Variants in MACROD2 observed in about 807,000 individuals in gnomAD.
MACROD2 encodes mono-ADP ribosylhydrolase 2, also known as ADP-ribose glycohydrolase MACROD2.
A neutral mutation model predicts 70.4 loss-of-function variants in MACROD2; 36 were observed. The observed-to-expected ratio is 0.51, with a 90% confidence interval of 0.39 to 0.68. MACROD2 has a LOEUF of 0.68. MACROD2 is among the 30% of genes least tolerant of loss of function. The pLI, the probability that MACROD2 is intolerant of heterozygous loss-of-function variation, is 0.00. For missense variants in MACROD2, 496 were observed against 538.4 expected, an observed-to-expected ratio of 0.92 and a Z score of 0.78; for synonymous variants, 172 against 178.8, an observed-to-expected ratio of 0.96 and a Z score of 0.30.
chr20:15,850,205 A>G (rs1192795765), intron 8 of MACROD2, among the ~76,000 whole-genome samples: 1 of 152,146 alleles, frequency 6.6e-6, no homozygotes, highest in Non-Finnish European at 1.5e-5. Context: ...AGAGCATGCC[A>G]CCAAGAGCAT....
At position 15,976,350 on chromosome 20, in the gene MACROD2, A is replaced by G. The variant is rs186526476; in HGVS notation, c.985+8720A>G. 2.4e-4 allele frequency among the ~76,000 whole-genome samples: 37 copies of G among 152,372 alleles called. No homozygotes were observed. The East Asian group carries it at 5.6e-3, about 23-fold the overall frequency. ...TTATCTGTTCTAATGGTCCCCTCCC[A>G]TAAGTATGGCTGATTGAGTTCACTG... is the stretch of plus-strand genomic sequence containing the variant. On this transcript the variant is annotated intron_variant, in intron 13 of 17. Transcript: ENST00000684519.
chr20:14,947,174 C>A (rs1333777062), intron 5 of MACROD2, among the ~76,000 whole-genome samples: 1 of 152,182 alleles, frequency 6.6e-6, no homozygotes, highest in Non-Finnish European at 1.5e-5. Flanking sequence ...GCCGAGCAAG[C>A]TGGGGACAGT....
intron 5 of MACROD2, among the ~76,000 whole-genome samples, chr20:15,144,050 C>T (rs908668731): frequency 2.6e-5 from 4 of 151,100 alleles, no homozygotes; most frequent in Admixed American, 6.6e-5. Context: ...TCATGTGGGT[C>T]GTGGGCCGCG....
chr20:14,568,157 T>C (rs1979932232), intron 4 of MACROD2, among the ~76,000 whole-genome samples: 1 of 152,092 alleles, frequency 6.6e-6, no homozygotes, highest in Non-Finnish European at 1.5e-5. Flanking sequence ...ATATGATTTA[T>C]ATTACTTTTC....
At chr20:15,559,204 G>A (rs1219375231) in intron 8 of MACROD2, among the ~76,000 whole-genome samples, 1 of 140,858 alleles carries the variant, frequency 7.1e-6, no homozygotes, top group Non-Finnish European at 1.5e-5. Context: ...TCCAGCCTGG[G>A]CGACAGAGCG....
chr20:14,326,489 C>A lies in MACROD2; in HGVS notation c.272-166990C>A, dbSNP rs756352350. ...AGATCCTTAATAGCCATCCCACGAACCTTTTCTGGGGCTTGGCACATGAGC... is the reference window on the plus strand; with the variant it reads ...AGATCCTTAATAGCCATCCCACGAAACTTTTCTGGGGCTTGGCACATGAGC... On this transcript the variant is annotated intron_variant, in intron 3 of 17. Transcript: ENST00000684519. This position sits in a 1 kb window ranked among gnomAD's most constrained non-coding sequence, Gnocchi z 5.5. The A allele has an allele frequency of 2.5e-6, 4 of 1,613,882 alleles. No homozygotes were observed. The highest frequency in any genetic ancestry group is 2.7e-5 in the African/African-American group (2 of 75,012).
At chr20:15,071,767 G>A (rs1286566901) in intron 5 of MACROD2, among the ~76,000 whole-genome samples, 1 of 152,106 alleles carries the variant, frequency 6.6e-6, no homozygotes, top group East Asian at 1.9e-4. Flanking sequence ...AGATTTCAGG[G>A]TTTGTTGTTC....
At chr20:14,479,903 G>A (rs1022736247) in intron 3 of MACROD2, among the ~76,000 whole-genome samples, 2 of 151,870 alleles carry the variant, frequency 1.3e-5, no homozygotes, top group African/African-American at 2.4e-5. Context: ...AAGATACAAG[G>A]TCTTGCTTTA....
intron 12 of MACROD2, among the ~76,000 whole-genome samples, chr20:15,945,828 T>C (rs112333762): frequency 2.6e-5 from 4 of 152,152 alleles, no homozygotes; most frequent in Non-Finnish European, 5.9e-5. Flanking sequence ...CCAAAGCCCA[T>C]GCATTTTCTA....
At chr20:15,146,684 G>A (rs939973713) in intron 5 of MACROD2, among the ~76,000 whole-genome samples, 4 of 151,832 alleles carry the variant, frequency 2.6e-5, no homozygotes, top group East Asian at 3.9e-4. Context: ...TTTATATGAC[G>A]AACTTCATCT....
intron 8 of MACROD2, among the ~76,000 whole-genome samples, chr20:15,659,907 C>G (rs2049794696): frequency 1.3e-5 from 2 of 152,104 alleles, no homozygotes; most frequent in African/African-American, 4.8e-5. Context: ...GCTCTTACTG[C>G]AACAGTTCCT....
At chr20:15,430,633 C>T (rs1388658083) in intron 6 of MACROD2, among the ~76,000 whole-genome samples, 1 of 151,824 alleles carries the variant, frequency 6.6e-6, no homozygotes, top group Non-Finnish European at 1.5e-5. Flanking sequence ...CTGAACACTG[C>T]TAAGCAAAAT....
chr20:14,805,146 T>A (rs1254605381), intron 5 of MACROD2, among the ~76,000 whole-genome samples: 1 of 151,950 alleles, frequency 6.6e-6, no homozygotes, highest in Admixed American at 6.6e-5. Context: ...AATATGAAAT[T>A]TCTCCCAAGA....
At chr20:15,256,325 T>G (rs2146036177) in intron 6 of MACROD2, among the ~76,000 whole-genome samples, 1 of 152,212 alleles carries the variant, frequency 6.6e-6, no homozygotes, top group South Asian at 2.1e-4. Context: ...GGGGATTCTA[T>G]TAACACTTTT....
intron 8 of MACROD2, among the ~76,000 whole-genome samples, chr20:15,689,233 G>A (rs1406418888): frequency 1.3e-5 from 2 of 152,108 alleles, no homozygotes; most frequent in Non-Finnish European, 2.9e-5. Flanking sequence ...GAACCTGGGG[G>A]GTGGAGGTTG....
chr20:16,010,531 A>T (rs1568707032), intron 15 of MACROD2, among the ~76,000 whole-genome samples: 1 of 152,216 alleles, frequency 6.6e-6, no homozygotes, highest in Non-Finnish European at 1.5e-5. Context: ...AGGAAAAAAA[A>T]TAACACTATG....
At chr20:15,489,632 G>A (rs1441272507) in intron 7 of MACROD2, among the ~76,000 whole-genome samples, 1 of 152,198 alleles carries the variant, frequency 6.6e-6, no homozygotes, top group Non-Finnish European at 1.5e-5. Context: ...CATAGCTTAT[G>A]CAGAAGGCCA....
chr20:15,241,454 A>G (rs1450371590), intron 6 of MACROD2, among the ~76,000 whole-genome samples: 1 of 152,220 alleles, frequency 6.6e-6, no homozygotes, highest in Middle Eastern at 3.4e-3. Flanking sequence ...GTGATTTCTG[A>G]ATCTTTAAAA....
chr20:15,010,793 C>G (rs1421120644), intron 5 of MACROD2, among the ~76,000 whole-genome samples: 1 of 152,154 alleles, frequency 6.6e-6, no homozygotes, highest in African/African-American at 2.4e-5. Flanking sequence ...AAATGAGCGT[C>G]AGTGAATCTA....
Sources: allele counts gnomAD v4.1 joint callset (sites outside exome capture counted in the v4.1 genomes callset), GRCh38; gene constraint gnomAD v4.1.1; non-coding constraint Gnocchi (gnomAD v3.1); transcripts MANE v1.5; gene names NCBI Gene and HGNC (gene_info 2026-07-23, HGNC 2026-07-21).